Variants in TRPM4 observed in about 807,000 individuals in gnomAD.
TRPM4 encodes calcium-activated non-selective cation channel 1.
In TRPM4, 124 loss-of-function variants were observed where a neutral mutation model predicts 135.6. The observed-to-expected ratio is 0.91, with a 90% CI of 0.79 to 1.06. The LOEUF is 1.06. Among genes scored for constraint, TRPM4 ranks in the 50% least tolerant of loss-of-function variants. The pLI is 0.00. For missense variants in TRPM4, 1,658 were observed against 1,671.4 expected (o/e 0.99, Z 0.14); for synonymous variants, 745 against 705.6 (o/e 1.06, Z -0.88).
intron 19 of TRPM4, among the ~76,000 whole-genome samples, chr19:49,201,196 C>CTGT (rs1229213326): frequency 2.1e-4 from 32 of 152,106 alleles, no homozygotes; most frequent in African/African-American, 7.2e-4. Flanking sequence ...TAACCTGACG[C>CTGT]GTCTATTTTA....
intron 9 of TRPM4, among the ~76,000 whole-genome samples, chr19:49,176,619 C>G (rs955225309): frequency 1.3e-5 from 2 of 152,134 alleles, no homozygotes; most frequent in African/African-American, 4.8e-5. Context: ...TTTTGGGAGG[C>G]TGAGGTAGGA....
intron 20 of TRPM4, among the ~76,000 whole-genome samples, chr19:49,203,052 A>G (rs535889616): frequency 3.6e-4 from 54 of 151,422 alleles, no homozygotes; most frequent in African/African-American, 1.2e-3. Context: ...CACCACGCCC[A>G]GCTAATTTTT....
Position 49,171,575 on chromosome 19 carries a change from T to C in TRPM4, c.859-3T>C. The C allele has an allele frequency of 6.2e-7, 1 of 1,614,008 alleles. No homozygotes were observed. Among genetic ancestry groups the C allele is most frequent in the Non-Finnish European group, 8.5e-7 (1 of 1,179,998 alleles). The stretch of plus-strand genomic sequence containing the variant: ...ATGAATAAAGAATGCCTTTATCCTG[T>C]AGCGAATAGAGAACGCCACCCAGGC... On this transcript the variant is annotated splice_region_variant and splice_polypyrimidine_tract_variant and intron_variant, in intron 7 of 24. Coordinates refer to ENST00000252826, the MANE Select transcript of TRPM4 (RefSeq NM_017636.4). This position sits in a 1 kb window ranked among gnomAD's most constrained non-coding sequence, Gnocchi z 4.7.
At chr19:49,178,378 G>T (rs898902346) in intron 9 of TRPM4, among the ~76,000 whole-genome samples, 2 of 152,066 alleles carry the variant, frequency 1.3e-5, no homozygotes, top group Non-Finnish European at 2.9e-5. Context: ...GGAGAGGAGA[G>T]AAGAGACTGC....
Position 49,200,791 on chromosome 19 carries a change from G to C in TRPM4, c.2953+6G>C, listed in dbSNP as rs1412013570. 5.6e-6 allele frequency: 9 copies of C among 1,613,586 alleles called. No individual in the cohort carries two copies. In the Admixed American group the frequency reaches 1.3e-4, roughly 24 times the overall value. ...TCCCCAGGAGGACATGGACGGTAGG[G>C]GGGATGACGGCCTGACAGCCTTCCT... On this transcript the variant is annotated splice_donor_region_variant and intron_variant, in intron 19 of 24. Coordinates refer to ENST00000252826, the MANE Select transcript of TRPM4 (RefSeq NM_017636.4).
intron 17 of TRPM4, 120 bp from the exon 18 acceptor site, chr19:49,200,180 A>C: frequency 6.8e-7 from 1 of 1,475,260 alleles, no homozygotes; most frequent in Non-Finnish European, 9.5e-7. Context: ...GGTGACTGGG[A>C]GGGTCCTGGT....
chr19:49,190,393 C>T, intron 15 of TRPM4, 73 bp downstream of exon 15: 1 of 1,326,124 alleles, frequency 7.5e-7, no homozygotes, highest in East Asian at 2.3e-5. Context: ...CCCCTCTGCC[C>T]ACCTTTCTTC....
rs995831186 is a variant in TRPM4, at chr19:49,211,374, T to C, written c.3640+105T>C. 4 of 1,585,260 alleles carry C rather than the reference T, an allele frequency of 2.5e-6. No homozygotes were observed. In the African/African-American group the frequency reaches 5.4e-5, roughly 21 times the overall value. The stretch of plus-strand genomic sequence containing the variant: ...CAGTGTCCCTGGGTCACTCTCTTGG[T>C]CTCCTTTGAGCCTTTTGTACTCTCG... On this transcript the variant is annotated intron_variant, in intron 24 of 24. Transcript: ENST00000252826. The surrounding 1 kb of genome is among the most constrained non-coding windows in gnomAD (Gnocchi z 4.8).
At position 49,196,858 on chromosome 19, in the gene TRPM4, C is replaced by T. The variant is rs769392495; in HGVS notation, c.2629C>T (p.Leu877=). The change falls in exon 17 of 25, where the codon CTG becomes TTG. Residue 877 remains leucine, a synonymous_variant. Coordinates refer to ENST00000252826, the MANE Select transcript of TRPM4 (RefSeq NM_017636.4). ...CCTAGTGGCTCTCACCTGCTTCCTCCTGGGCGTGGGCTGCCGGTGAGTGCC... is the reference window on the plus strand; with the variant it reads ...CCTAGTGGCTCTCACCTGCTTCCTCTTGGGCGTGGGCTGCCGGTGAGTGCC... ...CDLVALTCFL[L]GVGCRLTPGL... is the part of the protein sequence containing the mutation. 156 of 1,584,600 alleles carry T rather than the reference C, an allele frequency of 9.8e-5. No homozygotes were observed. The highest frequency in any genetic ancestry group is 1.3e-4 in the Non-Finnish European group (154 of 1,173,804).
At chr19:49,178,919 C>T (rs544774615) in intron 9 of TRPM4, among the ~76,000 whole-genome samples, 8 of 151,588 alleles carry the variant, frequency 5.3e-5, no homozygotes, top group African/African-American at 1.2e-4. Context: ...CCACCATGCC[C>T]GGCTAATTTT....
At chr19:49,190,610 G>A (rs550754651) in intron 15 of TRPM4, 86 bp from the exon 16 acceptor site, 285 of 1,370,786 alleles carry the variant, frequency 2.1e-4, no homozygotes, top group Non-Finnish European at 2.6e-4. Context: ...CCATGTCTCC[G>A]GGTGAAGAAG....
chr19:49,181,150 T>C (rs1234812560), intron 9 of TRPM4, among the ~76,000 whole-genome samples, 199 bp from the exon 10 acceptor site: 1 of 152,158 alleles, frequency 6.6e-6, no homozygotes, highest in African/African-American at 2.4e-5. Flanking sequence ...TGTAAACCAG[T>C]GGTCTGTGCT....
chr19:49,194,379 A>G (rs1016793476), intron 16 of TRPM4, among the ~76,000 whole-genome samples: 1 of 151,818 alleles, frequency 6.6e-6, no homozygotes, highest in Non-Finnish European at 1.5e-5. Context: ...TCAGCCTCTC[A>G]AGTAGCTACA....
At chr19:49,170,145 C>T (rs1057453766) in intron 6 of TRPM4, among the ~76,000 whole-genome samples, 5 of 152,118 alleles carry the variant, frequency 3.3e-5, no homozygotes, top group Non-Finnish European at 7.3e-5. Context: ...GCTCAAAACT[C>T]CAGGATGAAT....
At chr19:49,162,990 G>C (rs1384942935) in intron 2 of TRPM4, among the ~76,000 whole-genome samples, 3 of 151,958 alleles carry the variant, frequency 2.0e-5, no homozygotes, top group African/African-American at 7.3e-5. Flanking sequence ...TCAAAGTCCT[G>C]ACCTCAGGTG....
Position 49,210,506 on chromosome 19 carries a change from T to A in TRPM4, c.3328+101T>A. On this transcript the variant is annotated intron_variant, in intron 21 of 24. Coordinates refer to ENST00000252826, the MANE Select transcript of TRPM4 (RefSeq NM_017636.4). The surrounding 1 kb of genome is among the most constrained non-coding windows in gnomAD (Gnocchi z 4.1). Reference sequence around the variant, plus strand: ...CCCCAAATGACTAACGGGCGTGGCTTAGGTAGCGAGGGGCGGGGTTTAAGC... The same window carrying A: ...CCCCAAATGACTAACGGGCGTGGCTAAGGTAGCGAGGGGCGGGGTTTAAGC... 1 of 1,490,794 alleles carries A rather than the reference T, an allele frequency of 6.7e-7. No homozygotes were observed. Among genetic ancestry groups the A allele is most frequent in the South Asian group, 1.2e-5 (1 of 86,218 alleles). The allele number at this position is 1,490,794 out of a possible 1,614,324, so 92.3% of individuals were successfully genotyped here. A position where few individuals can be genotyped will look rare whatever the true frequency, so the allele number is the denominator to read the frequency against.
At position 49,199,918 on chromosome 19, in the gene TRPM4, G is replaced by A. The variant is rs893894223; in HGVS notation, c.2646-382G>A. ...TACTGGCCGTTTGAACGTCCTCTGT[G>A]AATTGTACGTGGTATCCTTTATCTG... On this transcript the variant is annotated intron_variant, in intron 17 of 24. Coordinates refer to ENST00000252826, the MANE Select transcript of TRPM4 (RefSeq NM_017636.4). Among the ~76,000 whole-genome samples the A allele has an allele frequency of 3.9e-5, 6 of 152,276 alleles. No individual in the cohort carries two copies. In the East Asian group the frequency reaches 9.6e-4, roughly 24 times the overall value.
rs756464554 is a variant in TRPM4 at position 49,200,387 on chromosome 19, G to C, written c.2733G>C (p.Thr911=). 3.1e-5 allele frequency: 50 copies of C among 1,613,870 alleles called. No individual in the cohort carries two copies. The highest frequency in any genetic ancestry group is 5.0e-5 in the Admixed American group (3 of 59,954). Residue 911 remains threonine, a synonymous_variant, in exon 18 of 25, where the codon ACG becomes ACC. Coordinates refer to ENST00000252826, the MANE Select transcript of TRPM4 (RefSeq NM_017636.4). ...CGGTGCGGCTGCTTCACATCTTCAC[G>C]GTCAACAAACAGCTGGGGCCCAAGA... ...VFTVRLLHIF[T]VNKQLGPKIV...
chr19:49,189,013 G>T lies in TRPM4; in HGVS notation c.1941G>T (p.Pro647=), dbSNP rs779169668. Residue 647 remains proline (P), a synonymous_variant, in exon 14 of 25, where the codon CCG becomes CCT. Transcript: ENST00000252826. ...RAARLLLRRC[P]LWGDATCLQL... The stretch of plus-strand genomic sequence containing the variant: ...CCCGCCTCCTCCTCCGTCGCTGCCC[G>T]CTCTGGGGGGATGCCACTTGCCTCC... 12 of 1,614,132 alleles carry T rather than the reference G, an allele frequency of 7.4e-6. No individual in the cohort carries two copies. The East Asian group carries it at 2.7e-4, about 36-fold the overall frequency.
Sources: gnomAD v4.1 joint callset for allele counts (sites outside exome capture counted in the v4.1 genomes callset) on GRCh38, gnomAD v4.1.1 for gene constraint, Gnocchi (gnomAD v3.1) non-coding constraint, MANE v1.5 for transcripts, NCBI Gene and HGNC (gene_info 2026-07-23, HGNC 2026-07-21) for gene names.